The following VEPH1 variants were observed in gnomAD, a reference collection of about 807,000 sequenced individuals.
VEPH1 encodes ventricular zone-expressed PH domain-containing protein homolog 1.
A neutral mutation model predicts 85.2 loss-of-function variants in VEPH1; 80 were observed. The observed-to-expected ratio is 0.94, with a 90% CI of 0.78 to 1.13. The LOEUF is 1.13. Among genes scored for constraint, VEPH1 ranks in the 50% most tolerant of loss-of-function variants. The pLI, the probability that VEPH1 is intolerant of heterozygous loss-of-function variation, is 0.00. For missense variants in VEPH1, 955 were observed against 980.5 expected (o/e 0.97, Z 0.35); for synonymous variants, 297 against 348.0 (o/e 0.85, Z 1.63).
chr3:157,490,410 A>G (rs1001001380), intron 2 of VEPH1, among the ~76,000 whole-genome samples: 3 of 151,942 alleles, frequency 2.0e-5, no homozygotes, highest in Admixed American at 1.3e-4. Context: ...TTTTAAGACT[A>G]CAAAAGAAAA....
intron 7 of VEPH1, among the ~76,000 whole-genome samples, chr3:157,369,185 A>AAAAC (rs1553773062): frequency 1.4e-5 from 2 of 140,242 alleles, no homozygotes; most frequent in Non-Finnish European, 3.1e-5. Flanking sequence ...CAAATGAAAA[A>AAAAC]AAAAAAAAAA....
intron 6 of VEPH1, among the ~76,000 whole-genome samples, chr3:157,387,511 A>C (rs1478038933): frequency 2.0e-5 from 3 of 152,216 alleles, no homozygotes; most frequent in East Asian, 3.9e-4. Context: ...ATCAAGATTC[A>C]TCTGATTCCA....
intron 9 of VEPH1, among the ~76,000 whole-genome samples, chr3:157,353,403 G>A (rs866622368): frequency 6.6e-6 from 1 of 151,986 alleles, no homozygotes; most frequent in Non-Finnish European, 1.5e-5. Context: ...GAGAAGCTGC[G>A]ACCAGAGGCA....
intron 9 of VEPH1, among the ~76,000 whole-genome samples, chr3:157,359,031 C>T (rs1725756990): frequency 6.6e-6 from 1 of 152,036 alleles, no homozygotes; most frequent in East Asian, 1.9e-4. Context: ...GAAAAATCAA[C>T]TTGTGTGGGT....
chr3:157,430,479 A>G (rs1292404564), intron 4 of VEPH1, among the ~76,000 whole-genome samples: 1 of 152,250 alleles, frequency 6.6e-6, no homozygotes, highest in Non-Finnish European at 1.5e-5. Context: ...TGTGATTGAA[A>G]GACATTATGT....
intron 10 of VEPH1, among the ~76,000 whole-genome samples, chr3:157,316,710 G>C (rs1349308578): frequency 6.6e-6 from 1 of 151,938 alleles, no homozygotes; most frequent in East Asian, 1.9e-4. Context: ...ACATTAACTG[G>C]AGATTGGAAG....
At chr3:157,444,927 T>C (rs200894939) in intron 4 of VEPH1, among the ~76,000 whole-genome samples, 2 of 152,340 alleles carry the variant, frequency 1.3e-5, no homozygotes, top group East Asian at 1.9e-4. Context: ...TTCCCAGATA[T>C]TCATTTTCTC....
At chr3:157,325,155 A>G (rs1031669130) in intron 9 of VEPH1, among the ~76,000 whole-genome samples, 5 of 151,816 alleles carry the variant, frequency 3.3e-5, no homozygotes, top group African/African-American at 1.2e-4. Context: ...GTGGCTGTTC[A>G]TGTCCTTTGC....
At chr3:157,277,219 T>C (rs1715513393) in intron 12 of VEPH1, among the ~76,000 whole-genome samples, 1 of 152,176 alleles carries the variant, frequency 6.6e-6, no homozygotes, top group African/African-American at 2.4e-5. Flanking sequence ...AGATTAACTT[T>C]TAATAAGAAA....
At chr3:157,424,636 G>T (rs544764546) in intron 5 of VEPH1, among the ~76,000 whole-genome samples, 1 of 152,266 alleles carries the variant, frequency 6.6e-6, no homozygotes, top group South Asian at 2.1e-4. Context: ...CAAAGGTGAC[G>T]CTTGTTATGT....
intron 11 of VEPH1, among the ~76,000 whole-genome samples, chr3:157,297,942 A>G (rs1359321780): frequency 6.6e-6 from 1 of 152,112 alleles, no homozygotes; most frequent in Admixed American, 6.5e-5. Flanking sequence ...GAATAATTAG[A>G]CACACACACA....
chr3:157,485,693 A>G (rs1738556996), intron 2 of VEPH1, among the ~76,000 whole-genome samples: 1 of 152,096 alleles, frequency 6.6e-6, no homozygotes, highest in African/African-American at 2.4e-5. Flanking sequence ...GAGTTGACTA[A>G]ATTTACCAAT....
intron 2 of VEPH1, chr3:157,493,332 C>A (rs371410373): frequency 5.7e-5 from 26 of 455,374 alleles, no homozygotes; most frequent in South Asian, 3.7e-4. Flanking sequence ...TTACTGAGAT[C>A]CAAGGTCATT....
chr3:157,426,080 C>T (rs1175246520), intron 5 of VEPH1, among the ~76,000 whole-genome samples: 1 of 152,188 alleles, frequency 6.6e-6, no homozygotes, highest in Non-Finnish European at 1.5e-5. Flanking sequence ...CGCCATGATT[C>T]TGAGGCCTCC....
intron 5 of VEPH1, among the ~76,000 whole-genome samples, chr3:157,421,741 G>A (rs1006818939): frequency 7.2e-5 from 11 of 152,160 alleles, no homozygotes; most frequent in Admixed American, 5.2e-4. Flanking sequence ...CAGGAACAGA[G>A]CACGAAGAGC....
chr3:157,315,210 C>T (rs1056076110), intron 10 of VEPH1, among the ~76,000 whole-genome samples: 1 of 152,056 alleles, frequency 6.6e-6, no homozygotes, highest in Admixed American at 6.5e-5. Flanking sequence ...TTAATAAATA[C>T]TATTCCAGAA....
chr3:157,260,561 C>G lies in VEPH1; in HGVS notation c.*573G>C, dbSNP rs1712737820. 6.6e-6 allele frequency: 1 copy of G among 152,100 alleles called. No homozygotes were observed. Among genetic ancestry groups the G allele is most frequent in the Non-Finnish European group, 1.5e-5 (1 of 68,026 alleles). The allele number at this position is 152,100 out of a possible 1,614,324, so 9.4% of individuals were successfully genotyped here. ...GAAAGACAAGTATTTAATGACATAA[C>G]TGGCTTGATTTGGGAACCATTTTAC... On this transcript the variant is annotated 3_prime_UTR_variant, in exon 14 of 14. Transcript: ENST00000362010.
chr3:157,302,098 C>T (rs1323483164), intron 11 of VEPH1, among the ~76,000 whole-genome samples: 1 of 117,774 alleles, frequency 8.5e-6, no homozygotes, highest in Non-Finnish European at 1.6e-5. Flanking sequence ...GCTTTGATTC[C>T]TCATTTCCCC....
chr3:157,260,913 T>C lies in VEPH1; in HGVS notation c.*221A>G. ...TAGCTCCTTTTATTTTATTTTATTT[T>C]TGTGGGCATCAGATATATTCTGAAG... On this transcript the variant is annotated 3_prime_UTR_variant, in exon 14 of 14. Coordinates refer to ENST00000362010, the MANE Select transcript of VEPH1 (RefSeq NM_001167912.2). The C allele has an allele frequency of 1.8e-6, 1 of 550,756 alleles. No homozygotes were observed. Among genetic ancestry groups the C allele is most frequent in the Non-Finnish European group, 3.1e-6 (1 of 322,634 alleles). The allele number at this position is 550,756 out of a possible 1,614,324, so 34.1% of individuals were successfully genotyped here. A position where few individuals can be genotyped will look rare whatever the true frequency, so the allele number is the denominator to read the frequency against.
Sources: gnomAD v4.1 joint callset for allele counts (sites outside exome capture counted in the v4.1 genomes callset) on GRCh38, gnomAD v4.1.1 for gene constraint, MANE v1.5 for transcripts, NCBI Gene and HGNC (gene_info 2026-07-23, HGNC 2026-07-21) for gene names.